SCAMP4: variants seen among roughly 807,000 people sequenced by gnomAD.
SCAMP4 encodes secretory carrier membrane protein 4.
Under a neutral mutation model 32.1 loss-of-function variants are expected in SCAMP4, and 19 were observed. The ratio of observed to expected loss-of-function variants is 0.59; its 90% CI spans 0.41 to 0.87. SCAMP4 has a LOEUF of 0.87. SCAMP4 is among the 40% of genes least tolerant of loss of function. The pLI is 0.00. For missense variants in SCAMP4, 302 were observed against 309.0 expected, an observed-to-expected ratio of 0.98 and a Z score of 0.17; for synonymous variants, 152 against 132.7, an observed-to-expected ratio of 1.15 and a Z score of -1.00.
intron 1 of SCAMP4, chr19:1,906,091 T>C (rs2013098602): frequency 6.6e-6 from 1 of 152,244 alleles, no homozygotes; most frequent in Admixed American, 6.5e-5. Context: ...CTGGGTGCAG[T>C]TCCTCACCCT....
At chr19:1,911,760 G>A in intron 1 of SCAMP4, 1 of 305,796 alleles carries the variant, frequency 3.3e-6, no homozygotes, top group African/African-American at 2.2e-5. Context: ...TCCAGCCTGG[G>A]CGACAGCGAG....
intron 1 of SCAMP4, chr19:1,911,837 A>G (rs1489541839): frequency 2.2e-6 from 1 of 463,350 alleles, no homozygotes; most frequent in Admixed American, 4.3e-5. Flanking sequence ...TGGTAGGTGA[A>G]TTATATCTTC....
intron 1 of SCAMP4, chr19:1,912,242 C>A: frequency 6.3e-7 from 1 of 1,596,896 alleles, no homozygotes; most frequent in East Asian, 2.3e-5. Context: ...ACGCCGCGCC[C>A]GTCCTGGACA....
chr19:1,907,739 C>T (rs1383563581), intron 1 of SCAMP4, among the ~76,000 whole-genome samples: 4 of 152,176 alleles, frequency 2.6e-5, no homozygotes, highest in Non-Finnish European at 5.9e-5. Context: ...GCTGCCTGCC[C>T]TCCTGAGGGG....
intron 2 of SCAMP4, 115 bp from the exon 3 acceptor site, chr19:1,917,579 A>G (rs2013773697): frequency 1.7e-6 from 2 of 1,179,322 alleles, no homozygotes; most frequent in Non-Finnish European, 1.2e-6. Context: ...CTCAATCCCA[A>G]CTGCAGAGTC....
At chr19:1,920,316 C>G (rs1599254665) in intron 5 of SCAMP4, 1 of 984,710 alleles carries the variant, frequency 1.0e-6, no homozygotes, top group Non-Finnish European at 1.2e-6. Context: ...TCTGGGGTTC[C>G]TGCCCCACAA....
rs1478559685 is a variant in SCAMP4 at position 1,908,791 on chromosome 19, G to A, written c.-42+3352G>A. ...TGGGACTACATGTGCACACCACCGT[G>A]CCCAACTAATTTATACTTTTAAGCA... is the stretch of plus-strand genomic sequence containing the variant. On this transcript the variant is annotated intron_variant, in intron 1 of 6. Coordinates refer to ENST00000316097, the MANE Select transcript of SCAMP4 (RefSeq NM_079834.4). The surrounding 1 kb of genome is among the most constrained non-coding windows in gnomAD (Gnocchi z 4.2). Among the ~76,000 whole-genome samples, 3 of 152,120 alleles carry A rather than the reference G, an allele frequency of 2.0e-5. No individual in the cohort carries two copies. The highest frequency in any genetic ancestry group is 2.9e-5 in the Non-Finnish European group (2 of 68,024).
intron 5 of SCAMP4, chr19:1,920,932 TCTC>T: frequency 1.0e-6 from 1 of 985,188 alleles, no homozygotes; most frequent in Non-Finnish European, 1.2e-6. Flanking sequence ...ACTTGGCTCT[TCTC>T]ATTGGAGCCT....
intron 1 of SCAMP4, among the ~76,000 whole-genome samples, chr19:1,910,236 G>T (rs576415329): frequency 6.6e-6 from 1 of 152,338 alleles, no homozygotes; most frequent in South Asian, 2.1e-4. Flanking sequence ...GGCTCAACGG[G>T]GGTGGCATCT....
chr19:1,912,533 G>A, intron 1 of SCAMP4: 1 of 1,501,140 alleles, frequency 6.7e-7, no homozygotes, highest in South Asian at 1.2e-5. Flanking sequence ...GGGCCCACTG[G>A]CCCACGTCCT....
intron 2 of SCAMP4, among the ~76,000 whole-genome samples, chr19:1,915,894 G>A (rs1313219067): frequency 1.6e-4 from 24 of 150,176 alleles, no homozygotes; most frequent in African/African-American, 5.2e-4. Context: ...TGCAGTGAGC[G>A]AGATCGGGCC....
intron 1 of SCAMP4, among the ~76,000 whole-genome samples, chr19:1,909,905 G>C (rs190791107): frequency 4.2e-4 from 64 of 152,354 alleles, no homozygotes; most frequent in Non-Finnish European, 4.6e-4. Flanking sequence ...CTTACGTTTC[G>C]TGGCTTGTCT....
At chr19:1,912,412 T>C (rs2013512676) in intron 1 of SCAMP4, 2 of 1,513,902 alleles carry the variant, frequency 1.3e-6, no homozygotes, top group African/African-American at 1.4e-5. Context: ...CCGCGCTCGC[T>C]GGCTGAGCTC....
chr19:1,919,964 C>T (rs936318749), intron 5 of SCAMP4: 1 of 172,716 alleles, frequency 5.8e-6, no homozygotes, highest in Admixed American at 6.6e-5. Context: ...TGTGTGCCCC[C>T]ACACCCAGCA....
rs1213248636 is a variant in SCAMP4 at position 1,924,312 on chromosome 19, A to G, written c.*28A>G. On this transcript the variant is annotated 3_prime_UTR_variant, in exon 7 of 7. Transcript: ENST00000316097. ...GGAGCCTGCCCTGCCCCCACCGCCC[A>G]CCACCTCCTCCCCTTCATTCCTGCT... 6.5e-7 allele frequency: 1 copy of G among 1,549,970 alleles called. No homozygotes were observed. The highest frequency in any genetic ancestry group is 1.4e-5 in the African/African-American group (1 of 73,508).
chr19:1,908,452 G>A lies in SCAMP4; in HGVS notation c.-42+3013G>A, dbSNP rs760704476. 6.2e-5 allele frequency: 29 copies of A among 470,088 alleles called. No homozygotes were observed. The highest frequency in any genetic ancestry group is 2.8e-4 in the Admixed American group (12 of 42,506). The allele number at this position is 470,088 out of a possible 1,614,324, so 29.1% of individuals were successfully genotyped here. A position where few individuals can be genotyped will look rare whatever the true frequency, so the allele number is the denominator to read the frequency against. On this transcript the variant is annotated intron_variant, in intron 1 of 6. Coordinates refer to ENST00000316097, the MANE Select transcript of SCAMP4 (RefSeq NM_079834.4). This position sits in a 1 kb window ranked among gnomAD's most constrained non-coding sequence, Gnocchi z 4.2. ...CGAGGAGTAGCACCCACAGCTGCGC[G>A]GCTGCGAAATGATCCAGAGACACAT...
chr19:1,914,323 C>T (rs909511065), intron 1 of SCAMP4, among the ~76,000 whole-genome samples: 1 of 152,150 alleles, frequency 6.6e-6, no homozygotes, highest in Non-Finnish European at 1.5e-5. Flanking sequence ...TGGGAACTGC[C>T]TCACCTGGAC....
Position 1,924,409 on chromosome 19 carries a change from G to A in SCAMP4, c.*125G>A, listed in dbSNP as rs1442505663. 10 of 824,210 alleles carry A rather than the reference G, an allele frequency of 1.2e-5. No homozygotes were observed. Among genetic ancestry groups the A allele is most frequent in the Non-Finnish European group, 1.7e-5 (9 of 525,536 alleles). 51.1% of individuals were successfully genotyped at this position (824,210 alleles called of 1,614,324 possible). ...CCAGCTGGGATGGTGGAAGCCGGTG[G>A]TGGCCACGGACCGCCCCCCTCCTGC... On this transcript the variant is annotated 3_prime_UTR_variant, in exon 7 of 7. Transcript: ENST00000316097.
At chr19:1,912,430 G>A (rs200992550) in intron 1 of SCAMP4, 7 of 1,511,234 alleles carry the variant, frequency 4.6e-6, no homozygotes, top group East Asian at 2.6e-5. Flanking sequence ...CTCCTGCCAC[G>A]GCCGGCTGTG....
Sources: gnomAD v4.1 joint callset for allele counts (sites outside exome capture counted in the v4.1 genomes callset) on GRCh38, gnomAD v4.1.1 for gene constraint, Gnocchi (gnomAD v3.1) non-coding constraint, MANE v1.5 for transcripts, NCBI Gene and HGNC (gene_info 2026-07-23, HGNC 2026-07-21) for gene names.